The following TFDP2 variants were observed in gnomAD, a reference collection of about 807,000 sequenced individuals.
TFDP2 encodes transcription factor Dp-2 (E2F dimerization partner 2).
A neutral mutation model predicts 59.3 loss-of-function variants in TFDP2; 17 were observed. That is an observed-to-expected ratio of 0.29 (90% CI 0.20 to 0.43). The LOEUF is 0.43. TFDP2 is among the 20% of genes least tolerant of loss of function. TFDP2 has a pLI of 1.00. For synonymous variants in TFDP2, 180 were observed against 194.7 expected (o/e 0.92, Z 0.63); for missense variants, 391 against 528.8 (o/e 0.74, Z 2.56).
intron 3 of TFDP2, chr3:142,029,182 C>G (rs964946832): frequency 2.0e-5 from 3 of 152,500 alleles, no homozygotes; most frequent in African/African-American, 7.2e-5. Flanking sequence ...AGGAGAAACT[C>G]TTGAAAAACT....
At chr3:142,139,383 T>C (rs1419032153) in intron 1 of TFDP2, among the ~76,000 whole-genome samples, 2 of 152,248 alleles carry the variant, frequency 1.3e-5, no homozygotes, top group Non-Finnish European at 1.5e-5. Flanking sequence ...GTTAATATTG[T>C]TATGTGTGGA....
chr3:142,112,676 C>A (rs947662245), intron 1 of TFDP2, among the ~76,000 whole-genome samples: 1 of 152,120 alleles, frequency 6.6e-6, no homozygotes, highest in Non-Finnish European at 1.5e-5. Flanking sequence ...TTCTGTCACT[C>A]CCTGGCAAAT....
At chr3:141,996,282 G>A (rs565722307) in intron 4 of TFDP2, among the ~76,000 whole-genome samples, 4 of 152,160 alleles carry the variant, frequency 2.6e-5, no homozygotes, top group Non-Finnish European at 4.4e-5. Context: ...AAAAAAAGGG[G>A]AAGAGGCATG....
chr3:142,103,958 G>T (rs1479233454), intron 1 of TFDP2, among the ~76,000 whole-genome samples: 2 of 151,856 alleles, frequency 1.3e-5, no homozygotes, highest in Non-Finnish European at 2.9e-5. Context: ...GTATACGTGT[G>T]CCATGGTGAT....
chr3:142,038,383 C>CAAAAAAAA (rs1184364752), intron 3 of TFDP2, among the ~76,000 whole-genome samples: 25 of 41,304 alleles, frequency 6.1e-4, no homozygotes, highest in Admixed American at 7.9e-4. Context: ...GACTCCATCT[C>CAAAAAAAA]AAAAAAAAAA....
chr3:141,997,703 AGCT>A (rs1943395408), intron 4 of TFDP2, among the ~76,000 whole-genome samples: 1 of 152,040 alleles, frequency 6.6e-6, no homozygotes, highest in African/African-American at 2.4e-5. Flanking sequence ...TACAAAAATT[AGCT>A]GGGCGTGGGG....
chr3:142,118,022 C>T (rs1266208631), intron 1 of TFDP2, among the ~76,000 whole-genome samples: 11 of 151,556 alleles, frequency 7.3e-5, no homozygotes, highest in Non-Finnish European at 1.2e-4. Flanking sequence ...CCCTTGAACC[C>T]GGGAGGCGGA....
intron 3 of TFDP2, chr3:142,043,697 C>A: frequency 2.7e-6 from 3 of 1,093,260 alleles, no homozygotes; most frequent in Admixed American, 1.7e-5. Context: ...CGTTCTTCAC[C>A]GTGCTTGCGT....
At chr3:142,031,364 C>G (rs1174315886) in intron 3 of TFDP2, among the ~76,000 whole-genome samples, 1 of 152,192 alleles carries the variant, frequency 6.6e-6, no homozygotes, top group East Asian at 1.9e-4. Context: ...CTCCACAGAT[C>G]TGACCTTCAG....
At chr3:142,062,730 C>T (rs1244393547) in intron 3 of TFDP2, among the ~76,000 whole-genome samples, 1 of 152,024 alleles carries the variant, frequency 6.6e-6, no homozygotes, top group African/African-American at 2.4e-5. Flanking sequence ...TATTCCCAAA[C>T]TTAAAATTAC....
At chr3:142,103,186 C>T (rs780758349) in intron 1 of TFDP2, among the ~76,000 whole-genome samples, 5 of 151,500 alleles carry the variant, frequency 3.3e-5, no homozygotes, top group Middle Eastern at 6.3e-3. Flanking sequence ...TGTAGTGAGC[C>T]GAGAACGCGC....
chr3:141,997,941 A>T (rs1943433218), intron 4 of TFDP2, among the ~76,000 whole-genome samples: 1 of 151,982 alleles, frequency 6.6e-6, no homozygotes, highest in South Asian at 2.1e-4. Flanking sequence ...TCTTTATGAA[A>T]ATGACTTTGA....
chr3:142,028,679 C>T, intron 3 of TFDP2: 1 of 985,276 alleles, frequency 1.0e-6, no homozygotes, highest in East Asian at 1.1e-4. Context: ...CGTAAGCAAT[C>T]GAGCTCAGAA....
At chr3:142,085,198 T>A (rs1576941663) in intron 3 of TFDP2, among the ~76,000 whole-genome samples, 1 of 152,186 alleles carries the variant, frequency 6.6e-6, no homozygotes, top group East Asian at 1.9e-4. Flanking sequence ...TACAGGCATG[T>A]GCCATTGCAC....
intron 3 of TFDP2, among the ~76,000 whole-genome samples, chr3:142,037,859 T>C (rs1946760579): frequency 6.6e-6 from 1 of 152,238 alleles, no homozygotes; most frequent in African/African-American, 2.4e-5. Flanking sequence ...AGTTGTGTCA[T>C]ATTTTATTTC....
intron 6 of TFDP2, among the ~76,000 whole-genome samples, chr3:141,993,199 C>CAAAAAAAAA (rs71856030): frequency 1.6e-4 from 23 of 144,116 alleles, no homozygotes; most frequent in South Asian, 4.4e-4. Context: ...GACTTCATCT[C>CAAAAAAAAA]AAAAAAAAGA....
rs146810067 is a variant in TFDP2, at chr3:142,034,793, G to A, written c.83-29249C>T. Among the ~76,000 whole-genome samples, 625 of 148,730 alleles carry A rather than the reference G, an allele frequency of 4.2e-3. 5 individuals are homozygous for A. The highest frequency in any genetic ancestry group is 0.014 in the Middle Eastern group (4 of 276). On this transcript the variant is annotated intron_variant, in intron 3 of 12. Transcript: ENST00000489671. ...TGCAGTGGCGCAATCTCGGCTCACT[G>A]AAAGCTCTGCCTCCCAGGTTCTCAC...
At chr3:142,052,524 G>A (rs1199165071) in intron 3 of TFDP2, among the ~76,000 whole-genome samples, 1 of 151,896 alleles carries the variant, frequency 6.6e-6, no homozygotes, top group Non-Finnish European at 1.5e-5. Context: ...CTGGGCGACT[G>A]AGCGAGACTC....
rs11569164 is a variant in TFDP2 at position 142,030,295 on chromosome 3, C to T, written c.83-24751G>A. Reference sequence around the variant, plus strand: ...TGGCCCTCTATCTTTCCAGATTCTACAATAAAATCTGTTTTCACTACTGGA... The same window carrying T: ...TGGCCCTCTATCTTTCCAGATTCTATAATAAAATCTGTTTTCACTACTGGA... On this transcript the variant is annotated intron_variant, in intron 3 of 12. Coordinates refer to ENST00000489671, the MANE Select transcript of TFDP2 (RefSeq NM_001178139.2). 6.7e-3 allele frequency among the ~76,000 whole-genome samples: 1,014 copies of T among 152,232 alleles called. 16 individuals are homozygous for T. The East Asian group carries it at 0.072, about 11-fold the overall frequency.
Sources: allele counts gnomAD v4.1 joint callset (sites outside exome capture counted in the v4.1 genomes callset), GRCh38; gene constraint gnomAD v4.1.1; transcripts MANE v1.5; gene names NCBI Gene and HGNC (gene_info 2026-07-23, HGNC 2026-07-21).